NF1: variants seen among roughly 807,000 people sequenced by gnomAD.
The protein encoded by NF1 is neurofibromin 1, also known as neurofibromin.
A neutral mutation model predicts 325.7 loss-of-function variants in NF1; 122 were observed. The observed-to-expected ratio is 0.37, with a 90% confidence interval of 0.32 to 0.44. The LOEUF (loss-of-function observed/expected upper bound fraction) is 0.44. NF1 is among the 20% of genes least tolerant of loss of function. The pLI is 1.00. For synonymous variants in NF1, 1,091 were observed against 1,186.0 expected (o/e 0.92, Z 1.65); for missense variants, 2,140 against 3,415.4 (o/e 0.63, Z 9.31).
chr17:31,158,848 G>A (rs1181002865), intron 2 of NF1, among the ~76,000 whole-genome samples, 162 bp from the exon 3 acceptor site: 1 of 151,976 alleles, frequency 6.6e-6, no homozygotes, highest in Admixed American at 6.6e-5. Flanking sequence ...GTTTTTATGA[G>A]GATTAGGATA....
chr17:31,162,850 C>T (rs1457934283), intron 3 of NF1, among the ~76,000 whole-genome samples: 2 of 152,094 alleles, frequency 1.3e-5, no homozygotes, highest in Non-Finnish European at 2.9e-5. Context: ...TAAGTCGATT[C>T]TGTAATTGTA....
intron 30 of NF1, among the ~76,000 whole-genome samples, chr17:31,249,587 T>C (rs746822400): frequency 2.0e-5 from 3 of 152,214 alleles, no homozygotes; most frequent in Non-Finnish European, 4.4e-5. Flanking sequence ...ATAGACTGAT[T>C]GTTCTGTTTA....
At chr17:31,192,621 A>G (rs954657153) in intron 8 of NF1, among the ~76,000 whole-genome samples, 2 of 152,196 alleles carry the variant, frequency 1.3e-5, no homozygotes, top group East Asian at 3.8e-4. Flanking sequence ...TAGTCGATTA[A>G]TCTCCTGGAT....
In NF1 at chr17:31,305,216, G is replaced by C. The variant is rs766073949; in HGVS notation, c.4836-20604G>C. 2.5e-6 allele frequency: 4 copies of C among 1,614,012 alleles called. No homozygotes were observed. The South Asian group carries it at 4.4e-5, about 18-fold the overall frequency. ...TTTGGTGGTTGTGTGGTAGAAGTAC[G>C]GGCAGATGGTAGTTGTCTGGCAGAG... On this transcript the variant is annotated intron_variant, in intron 36 of 57. Transcript: ENST00000358273.
intron 35 of NF1, among the ~76,000 whole-genome samples, chr17:31,264,309 G>T (rs1018785719): frequency 2.0e-5 from 3 of 151,812 alleles, no homozygotes; most frequent in Admixed American, 6.6e-5. Context: ...TACTTGGGAG[G>T]CCAAGGCAGG....
intron 1 of NF1, among the ~76,000 whole-genome samples, chr17:31,097,870 T>C (rs1214304721): frequency 1.3e-5 from 2 of 152,080 alleles, no homozygotes; most frequent in African/African-American, 4.8e-5. Context: ...CTAATTTTTG[T>C]ATTTTTAGTA....
chr17:31,304,212 A>G (rs762762614), intron 36 of NF1: 1 of 1,506,450 alleles, frequency 6.6e-7, no homozygotes, highest in East Asian at 2.3e-5. Flanking sequence ...CATATAAAGA[A>G]AAAAGAGTCA....
At chr17:31,310,068 C>T (rs1190646827) in intron 36 of NF1, among the ~76,000 whole-genome samples, 2 of 151,856 alleles carry the variant, frequency 1.3e-5, no homozygotes, top group African/African-American at 2.4e-5. Flanking sequence ...ACTTTTTTCC[C>T]AGCGGTAATG....
chr17:31,366,358 C>T (rs924745848), intron 57 of NF1, among the ~76,000 whole-genome samples: 1 of 152,130 alleles, frequency 6.6e-6, no homozygotes, highest in Admixed American at 6.5e-5. Context: ...TTACTTTAGA[C>T]TCCCTTCTTC....
intron 36 of NF1, among the ~76,000 whole-genome samples, chr17:31,325,577 A>G (rs1260687286): frequency 1.3e-5 from 2 of 152,164 alleles, no homozygotes; most frequent in African/African-American, 2.4e-5. Flanking sequence ...TTCTTGACTC[A>G]TGGGCAAATT....
chr17:31,333,658 T>C (rs1383994372), intron 39 of NF1, among the ~76,000 whole-genome samples: 1 of 152,196 alleles, frequency 6.6e-6, no homozygotes, highest in Non-Finnish European at 1.5e-5. Context: ...TGGAATAATA[T>C]GAAGCCATTG....
intron 48 of NF1, 69 bp from the exon 49 acceptor site, chr17:31,349,051 C>T: frequency 6.5e-7 from 1 of 1,529,718 alleles, no homozygotes; most frequent in Non-Finnish European, 8.8e-7. Flanking sequence ...GGGAAGAAGA[C>T]CTCAGCAGAT....
At chr17:31,154,368 T>A (rs2143613517) in intron 1 of NF1, among the ~76,000 whole-genome samples, 1 of 152,252 alleles carries the variant, frequency 6.6e-6, no homozygotes, top group South Asian at 2.1e-4. Context: ...TTTCTCTGAT[T>A]TTTATGGGAT....
chr17:31,367,170 T>C, intron 57 of NF1: 7 of 1,124,166 alleles, frequency 6.2e-6, no homozygotes, highest in Non-Finnish European at 8.4e-6. Flanking sequence ...TTCACCCTTT[T>C]TTAAATCTTA....
intron 42 of NF1, 108 bp downstream of exon 42, chr17:31,337,022 T>C: frequency 8.5e-7 from 1 of 1,174,938 alleles, no homozygotes; most frequent in South Asian, 1.3e-5. Flanking sequence ...ACCAAGTTGC[T>C]AATTTAAGCC....
At chr17:31,153,827 T>C (rs963270897) in intron 1 of NF1, among the ~76,000 whole-genome samples, 2 of 151,552 alleles carry the variant, frequency 1.3e-5, no homozygotes, top group African/African-American at 2.4e-5. Flanking sequence ...TTGCCCAGGC[T>C]GGTCTTGAAC....
At position 31,235,317 on chromosome 17, in the gene NF1, A is replaced by G. The variant is rs576626752; in HGVS notation, c.3709-294A>G. Among the ~76,000 whole-genome samples the G allele has an allele frequency of 1.4e-4, 22 of 152,192 alleles. No homozygotes were observed. In the South Asian group the frequency reaches 4.6e-3, roughly 32 times the overall value. ...TGTTTCTGCTCTCTTTCATTTTGTG[A>G]TGTAATTTGAGCTGAATCTTGGAGA... On this transcript the variant is annotated intron_variant, in intron 27 of 57. Coordinates refer to ENST00000358273, the MANE Select transcript of NF1 (RefSeq NM_001042492.3).
chr17:31,313,373 G>A (rs1214422666), intron 36 of NF1, among the ~76,000 whole-genome samples: 4 of 152,084 alleles, frequency 2.6e-5, no homozygotes, highest in African/African-American at 4.8e-5. Flanking sequence ...ATCTGCCATG[G>A]CTATAGTTTC....
chr17:31,236,068 T>C, intron 29 of NF1, 47 bp downstream of exon 29: 1 of 1,427,820 alleles, frequency 7.0e-7, no homozygotes, highest in African/African-American at 1.6e-5. Context: ...TTTTTTTTTT[T>C]TTGTTTGTTT....
Sources: gnomAD v4.1 joint callset for allele counts (sites outside exome capture counted in the v4.1 genomes callset) on GRCh38, gnomAD v4.1.1 for gene constraint, MANE v1.5 for transcripts, NCBI Gene and HGNC (gene_info 2026-07-23, HGNC 2026-07-21) for gene names.